RANBP2: variants seen among roughly 807,000 people sequenced by gnomAD.
RANBP2 encodes E3 SUMO-protein ligase RanBP2.
In RANBP2, 57 loss-of-function variants were observed where a neutral mutation model predicts 303.6. The ratio of observed to expected loss-of-function variants is 0.19; its 90% CI spans 0.15 to 0.23. The LOEUF (loss-of-function observed/expected upper bound fraction) is 0.23, where lower values mean the gene tolerates loss of function less well. RANBP2 is among the 10% of genes least tolerant of loss of function. The pLI is 1.00. For synonymous variants in RANBP2, 1,167 were observed against 1,301.5 expected, an observed-to-expected ratio of 0.90 and a Z score of 2.23; for missense variants, 3,138 against 3,780.8, an observed-to-expected ratio of 0.83 and a Z score of 4.46.
At chr2:109,216,998 A>C in the RANBP2 span, among the ~76,000 whole-genome samples, 1 of 152,178 alleles carries the variant, frequency 6.6e-6, no homozygotes, top group Non-Finnish European at 1.5e-5. Flanking sequence ...TGTTTCTTTG[A>C]ATTTGGCTGG....
chr2:108,770,076 G>A (rs561012287), intron 20 of RANBP2, among the ~76,000 whole-genome samples: 10 of 152,280 alleles, frequency 6.6e-5, no homozygotes, highest in Non-Finnish European at 1.3e-4. Flanking sequence ...GTATACTTGC[G>A]TACAGTTTCT....
chr2:109,499,544 G>A, the RANBP2 span, among the ~76,000 whole-genome samples: 2 of 152,324 alleles, frequency 1.3e-5, no homozygotes, highest in East Asian at 3.9e-4. Flanking sequence ...CCCCTGTGGA[G>A]TTTCCCCAGG....
the RANBP2 span, among the ~76,000 whole-genome samples, chr2:109,276,786 C>CAT: frequency 2.1e-3 from 317 of 152,004 alleles, 2 homozygotes; most frequent in African/African-American, 7.4e-3. Flanking sequence ...TTTTGACTTA[C>CAT]ATATATATAT....
At chr2:109,079,908 C>T in the RANBP2 span, among the ~76,000 whole-genome samples, 6 of 152,184 alleles carry the variant, frequency 3.9e-5, no homozygotes, top group Admixed American at 2.0e-4. Context: ...AGAGGCAGGA[C>T]GGGGCTACAC....
the RANBP2 span, among the ~76,000 whole-genome samples, chr2:109,237,668 C>T: frequency 9.2e-5 from 14 of 152,162 alleles, no homozygotes; most frequent in Non-Finnish European, 2.1e-4. Flanking sequence ...AGGCCCAAGA[C>T]GGTTCTTCCA....
chr2:109,114,557 AT>A, the RANBP2 span, among the ~76,000 whole-genome samples: 1 of 151,312 alleles, frequency 6.6e-6, no homozygotes, highest in African/African-American at 2.4e-5. Context: ...CGGTCTATCA[AT>A]TTTGTTGATC....
chr2:109,434,441 C>T, the RANBP2 span, among the ~76,000 whole-genome samples: 2 of 152,336 alleles, frequency 1.3e-5, no homozygotes, highest in Non-Finnish European at 2.9e-5. Flanking sequence ...CGGTTGAAAT[C>T]CAGCTTCCTT....
the RANBP2 span, among the ~76,000 whole-genome samples, chr2:109,656,569 A>G: frequency 1.3e-5 from 2 of 152,032 alleles, no homozygotes; most frequent in Non-Finnish European, 2.9e-5. Context: ...CGAACTTCCA[A>G]CCTCAGGTGA....
Position 108,771,615 on chromosome 2 carries a change from G to C in RANBP2, c.7850-86G>C. Reference sequence around the variant, plus strand: ...AGTATGCTGTTTTAACCTATAGATAGGTTCCATGGTTTTTATTTTCAGTTA... The same window carrying C: ...AGTATGCTGTTTTAACCTATAGATACGTTCCATGGTTTTTATTTTCAGTTA... On this transcript the variant is annotated intron_variant, in intron 20 of 28. Transcript: ENST00000283195. 3.8e-6 allele frequency: 6 copies of C among 1,584,660 alleles called. No homozygotes were observed. In the South Asian group the frequency reaches 6.8e-5, roughly 18 times the overall value.
At chr2:108,853,475 AAG>A in the RANBP2 span, among the ~76,000 whole-genome samples, 1 of 152,082 alleles carries the variant, frequency 6.6e-6, no homozygotes, top group Non-Finnish European at 1.5e-5. Flanking sequence ...AAATTGTTAA[AAG>A]AAGTTGTAGG....
In RANBP2 at chr2:108,740,656, C is replaced by G. The variant is rs373100477; in HGVS notation, c.950C>G (p.Ala317Gly). Residue 317 changes from alanine (A) to glycine (G), a missense_variant, in exon 7 of 29, where the codon GCA becomes GGA. Physicochemically the swap from Ala to Gly is moderately conservative, Grantham distance 60. Coordinates refer to ENST00000283195, the MANE Select transcript of RANBP2 (RefSeq NM_006267.5). ...VQWRALSELA[A>G]LCYLIAFQVP... Reference sequence around the variant, plus strand: ...TGGCGAGCTCTTTCTGAGCTGGCTGCATTGTGCTATCTCATAGCATTTCAG... The same window carrying G: ...TGGCGAGCTCTTTCTGAGCTGGCTGGATTGTGCTATCTCATAGCATTTCAG... 10 of 1,597,384 alleles carry G rather than the reference C, an allele frequency of 6.3e-6. No individual in the cohort carries two copies. In the African/African-American group the frequency reaches 1.2e-4, roughly 19 times the overall value.
At chr2:109,579,214 A>C in the RANBP2 span, among the ~76,000 whole-genome samples, 20,492 of 152,138 alleles carry the variant, frequency 0.13, 1,864 homozygotes, top group African/African-American at 0.26. Flanking sequence ...TATAACTTAC[A>C]AAACTGTCTC....
chr2:108,886,645 C>T, the RANBP2 span, among the ~76,000 whole-genome samples: 1 of 152,222 alleles, frequency 6.6e-6, no homozygotes, highest in African/African-American at 2.4e-5. Context: ...ATCTCCTGAC[C>T]TCATGGTCCA....
At chr2:109,394,688 A>G in the RANBP2 span, among the ~76,000 whole-genome samples, 1 of 152,236 alleles carries the variant, frequency 6.6e-6, no homozygotes, top group Non-Finnish European at 1.5e-5. Context: ...GGGGACGTCC[A>G]CCTGATAAAC....
chr2:109,066,994 T>C, the RANBP2 span, among the ~76,000 whole-genome samples: 1 of 151,898 alleles, frequency 6.6e-6, no homozygotes, highest in Non-Finnish European at 1.5e-5. Context: ...ACAGAAAACC[T>C]AATGTTTTAT....
chr2:108,740,334 G>A (rs1004622939), intron 6 of RANBP2, among the ~76,000 whole-genome samples, 155 bp from the exon 7 acceptor site: 1 of 152,184 alleles, frequency 6.6e-6, no homozygotes, highest in African/African-American at 2.4e-5. Context: ...AGCATTAGAT[G>A]ATTCATAATT....
chr2:108,749,470 G>A (rs1438161834), intron 9 of RANBP2, among the ~76,000 whole-genome samples: 1 of 152,008 alleles, frequency 6.6e-6, no homozygotes, highest in East Asian at 1.9e-4. Context: ...CTAATTTTTT[G>A]TATTTTTAGT....
chr2:109,435,266 G>A, the RANBP2 span, among the ~76,000 whole-genome samples: 18 of 152,244 alleles, frequency 1.2e-4, no homozygotes, highest in South Asian at 2.3e-3. Context: ...ATCTGGCCTC[G>A]GTCTTTATCC....
chr2:109,103,304 T>C, the RANBP2 span, among the ~76,000 whole-genome samples: 2 of 152,254 alleles, frequency 1.3e-5, no homozygotes, highest in Non-Finnish European at 1.5e-5. Context: ...CCAAGACTTC[T>C]GACACAGCCT....
Sources: allele counts gnomAD v4.1 joint callset (sites outside exome capture counted in the v4.1 genomes callset), GRCh38; gene constraint gnomAD v4.1.1; transcripts MANE v1.5; gene names NCBI Gene and HGNC (gene_info 2026-07-23, HGNC 2026-07-21).